Variants in SOX13 observed in about 807,000 individuals in gnomAD.
SOX13 encodes the protein SRY-box transcription factor 13.
A neutral mutation model predicts 71.8 loss-of-function variants in SOX13; 28 were observed. The ratio of observed to expected loss-of-function variants is 0.39; its 90% CI spans 0.29 to 0.53. The LOEUF (loss-of-function observed/expected upper bound fraction) is 0.53, where lower values mean the gene tolerates loss of function less well. Ranked by LOEUF, SOX13 falls within the 20% of genes least tolerant of loss-of-function variation. SOX13 has a pLI of 0.70. For synonymous variants in SOX13, 309 were observed against 317.8 expected (o/e 0.97, Z 0.29); for missense variants, 627 against 810.3 (o/e 0.77, Z 2.75).
intron 1 of SOX13, among the ~76,000 whole-genome samples, chr1:204,075,691 G>A (rs532521812): frequency 1.5e-4 from 23 of 152,266 alleles, no homozygotes; most frequent in Admixed American, 7.2e-4. Flanking sequence ...GATCCCGGAT[G>A]CCACTGGCGG....
At chr1:204,074,566 T>G (rs1177437410) in intron 1 of SOX13, among the ~76,000 whole-genome samples, 2 of 152,154 alleles carry the variant, frequency 1.3e-5, no homozygotes, top group African/African-American at 4.8e-5. Flanking sequence ...CTCTGGCTGC[T>G]TCCCGTCCCC....
intron 1 of SOX13, among the ~76,000 whole-genome samples, chr1:204,110,051 C>T (rs550514265): frequency 2.4e-4 from 37 of 151,944 alleles, no homozygotes; most frequent in South Asian, 1.5e-3. Context: ...AGGCTGGTCT[C>T]GAACTCCCGG....
At chr1:204,115,513 A>AAAAAG (rs1553298429) in intron 4 of SOX13, among the ~76,000 whole-genome samples, 2 of 141,120 alleles carry the variant, frequency 1.4e-5, no homozygotes, top group East Asian at 4.2e-4. Flanking sequence ...AAAAAAAAAA[A>AAAAAG]GGTCTATGGC....
chr1:204,104,071 C>T (rs933318515), intron 1 of SOX13, among the ~76,000 whole-genome samples: 2 of 152,212 alleles, frequency 1.3e-5, no homozygotes, highest in East Asian at 3.8e-4. Context: ...GCCCTTGGGC[C>T]AGGGTCAGCT....
intron 1 of SOX13, among the ~76,000 whole-genome samples, chr1:204,090,408 CTTTT>C (rs67694415): frequency 5.1e-5 from 6 of 118,552 alleles, no homozygotes; most frequent in Admixed American, 2.6e-4. Flanking sequence ...TCTTCTTCTT[CTTTT>C]TTTTTTTTTT....
intron 1 of SOX13, among the ~76,000 whole-genome samples, chr1:204,092,115 C>G (rs1225261181): frequency 6.7e-6 from 1 of 149,402 alleles, no homozygotes; most frequent in East Asian, 2.0e-4. Flanking sequence ...TGGCACGACC[C>G]TAGCTCACTG....
At chr1:204,091,170 A>G (rs1381273722) in intron 1 of SOX13, among the ~76,000 whole-genome samples, 1 of 152,120 alleles carries the variant, frequency 6.6e-6, no homozygotes, top group African/African-American at 2.4e-5. Context: ...CTGCCTGGTA[A>G]CTGAGACAAC....
intron 1 of SOX13, among the ~76,000 whole-genome samples, chr1:204,075,839 C>T (rs1188093632): frequency 6.6e-6 from 1 of 152,214 alleles, no homozygotes; most frequent in African/African-American, 2.4e-5. Flanking sequence ...GTGCCTGGCA[C>T]ATAATAAGTG....
At chr1:204,077,260 T>G (rs964498246) in intron 1 of SOX13, among the ~76,000 whole-genome samples, 2 of 152,204 alleles carry the variant, frequency 1.3e-5, no homozygotes, top group Non-Finnish European at 1.5e-5. Flanking sequence ...AGCCAAAGCC[T>G]GGTAATACTG....
At chr1:204,125,777 T>C (rs893161091) in intron 13 of SOX13, 81 bp from the exon 14 acceptor site, 10 of 1,466,402 alleles carry the variant, frequency 6.8e-6, no homozygotes, top group South Asian at 1.3e-5. Context: ...GAGTGCATGC[T>C]CTGAGGAGGC....
chr1:204,124,151 G>T (rs1436828028), intron 12 of SOX13, among the ~76,000 whole-genome samples: 5 of 152,206 alleles, frequency 3.3e-5, no homozygotes, highest in Admixed American at 1.3e-4. Context: ...TCACTAGAAA[G>T]ATTTTTTTAA....
chr1:204,080,114 G>GC (rs1306303102), intron 1 of SOX13, among the ~76,000 whole-genome samples: 1 of 152,200 alleles, frequency 6.6e-6, no homozygotes, highest in Non-Finnish European at 1.5e-5. Flanking sequence ...ATCTCCAGCT[G>GC]CCACCTTTCT....
At chr1:204,116,157 TCC>T in intron 4 of SOX13, 19 of 1,241,354 alleles carry the variant, frequency 1.5e-5, no homozygotes, top group Admixed American at 9.3e-5. Flanking sequence ...TCCCACTGGA[TCC>T]CTCCGATGGG....
chr1:204,086,938 T>C lies in SOX13; in HGVS notation c.-2+13227T>C, dbSNP rs1255850825. Among the ~76,000 whole-genome samples, 3 of 152,014 alleles carry C rather than the reference T, an allele frequency of 2.0e-5. No individual in the cohort carries two copies. In the East Asian group the frequency reaches 5.8e-4, roughly 29 times the overall value. ...GGTCTTTCTCCTTCCTTTTTTTTTT[T>C]TTGAGACGGAGTCTCACTCTGTCAC... On this transcript the variant is annotated intron_variant, in intron 1 of 13. Coordinates refer to ENST00000367204, the MANE Select transcript of SOX13 (RefSeq NM_005686.3).
At chr1:204,097,227 T>C (rs565641107) in intron 1 of SOX13, among the ~76,000 whole-genome samples, 68 of 151,878 alleles carry the variant, frequency 4.5e-4, no homozygotes, top group Middle Eastern at 6.8e-3. Flanking sequence ...ATTGGAAGAG[T>C]TGAATCATTT....
chr1:204,123,809 G>T lies in SOX13; in HGVS notation c.1375+5G>T. 2 of 1,614,092 alleles carry T rather than the reference G, an allele frequency of 1.2e-6. No homozygotes were observed. Among genetic ancestry groups the T allele is most frequent in the Non-Finnish European group, 1.7e-6 (2 of 1,179,956 alleles). Reference sequence around the variant, plus strand: ...CCAGCATCAGCAAGATCCTTGGTAAGGGCCAGTGGCTGGGGCCATGGTTCA... The same window carrying T: ...CCAGCATCAGCAAGATCCTTGGTAATGGCCAGTGGCTGGGGCCATGGTTCA... On this transcript the variant is annotated splice_donor_5th_base_variant and intron_variant, in intron 12 of 13. Coordinates refer to ENST00000367204, the MANE Select transcript of SOX13 (RefSeq NM_005686.3). This position sits in a 1 kb window ranked among gnomAD's most constrained non-coding sequence, Gnocchi z 5.0.
chr1:204,087,115 G>A (rs1248126519), intron 1 of SOX13, among the ~76,000 whole-genome samples: 1 of 152,098 alleles, frequency 6.6e-6, no homozygotes, highest in East Asian at 1.9e-4. Flanking sequence ...GTAGAGACGG[G>A]GTTTCACCGT....
chr1:204,104,994 C>T (rs528408994), intron 1 of SOX13, among the ~76,000 whole-genome samples: 6 of 152,098 alleles, frequency 3.9e-5, no homozygotes, highest in African/African-American at 1.2e-4. Flanking sequence ...GGTTTGTGTG[C>T]GCCTGTGGGT....
chr1:204,080,267 A>T (rs1655875392), intron 1 of SOX13, among the ~76,000 whole-genome samples: 1 of 152,176 alleles, frequency 6.6e-6, no homozygotes, highest in Admixed American at 6.5e-5. Flanking sequence ...GAAGCCCTAT[A>T]AACTGCCCAA....
Sources: allele counts gnomAD v4.1 joint callset (sites outside exome capture counted in the v4.1 genomes callset), GRCh38; gene constraint gnomAD v4.1.1; non-coding constraint Gnocchi (gnomAD v3.1); transcripts MANE v1.5; gene names NCBI Gene and HGNC (gene_info 2026-07-23, HGNC 2026-07-21).